Variants in EML4 observed in about 807,000 individuals in gnomAD.
The protein encoded by EML4 is EMAP like 4.
EML4 carries 72 observed loss-of-function variants against 129.0 expected under a neutral mutation model. That is an observed-to-expected ratio of 0.56 (90% CI 0.46 to 0.68). EML4 has a LOEUF of 0.68. Ranked by LOEUF, EML4 falls within the 30% of genes least tolerant of loss-of-function variation. The pLI, the probability that EML4 is intolerant of heterozygous loss-of-function variation, is 0.00. For missense variants in EML4, 1,363 were observed against 1,190.6 expected, an observed-to-expected ratio of 1.14 and a Z score of -2.13; for synonymous variants, 532 against 405.0, an observed-to-expected ratio of 1.31 and a Z score of -3.77.
intron 7 of EML4, 92 bp downstream of exon 7, chr2:42,281,065 A>G: frequency 1.4e-5 from 6 of 432,992 alleles, no homozygotes; most frequent in African/African-American, 1.3e-4. Context: ...GTCTTTATAC[A>G]AAAAAAAAAA....
intron 14 of EML4, among the ~76,000 whole-genome samples, chr2:42,301,759 TA>T (rs1327507231): frequency 6.6e-6 from 1 of 152,090 alleles, no homozygotes; most frequent in Non-Finnish European, 1.5e-5. Context: ...AAAATCCTCT[TA>T]AAAAGAGGAT....
chr2:42,218,864 G>C (rs1426478458), intron 1 of EML4, among the ~76,000 whole-genome samples: 1 of 152,128 alleles, frequency 6.6e-6, no homozygotes. Flanking sequence ...GGGTCTTGCT[G>C]TGTTGTCCAG....
At chr2:42,319,040 A>G (rs895781439) in intron 19 of EML4, among the ~76,000 whole-genome samples, 1 of 152,206 alleles carries the variant, frequency 6.6e-6, no homozygotes, top group African/African-American at 2.4e-5. Flanking sequence ...AAAAAAGTCC[A>G]TACCTTAATA....
chr2:42,318,455 A>G (rs750505365), intron 19 of EML4, among the ~76,000 whole-genome samples: 15 of 152,230 alleles, frequency 9.9e-5, no homozygotes, highest in Non-Finnish European at 2.2e-4. Context: ...TATACCATAT[A>G]TTAAAACCAG....
At chr2:42,273,626 AT>A (rs1424765433) in intron 6 of EML4, among the ~76,000 whole-genome samples, 2 of 152,112 alleles carry the variant, frequency 1.3e-5, no homozygotes, top group African/African-American at 4.8e-5. Context: ...AATTCAGGAA[AT>A]TTTATCAGCC....
intron 7 of EML4, 79 bp downstream of exon 7, chr2:42,281,052 A>G: frequency 8.5e-7 from 1 of 1,181,774 alleles, no homozygotes; most frequent in Non-Finnish European, 1.2e-6. Flanking sequence ...CTCTGTCAAA[A>G]TTGTCTTTAT....
chr2:42,238,822 C>T (rs749429071), intron 1 of EML4, among the ~76,000 whole-genome samples: 1 of 152,148 alleles, frequency 6.6e-6, no homozygotes, highest in South Asian at 2.1e-4. Flanking sequence ...CTTGCTCTGT[C>T]ACGCAGACTT....
intron 1 of EML4, among the ~76,000 whole-genome samples, chr2:42,179,777 T>A (rs1279472438): frequency 6.6e-6 from 1 of 152,116 alleles, no homozygotes; most frequent in Non-Finnish European, 1.5e-5. Context: ...TAGTTTTGTA[T>A]TTTTAGTAGA....
At chr2:42,244,259 C>T (rs996384703) in intron 1 of EML4, among the ~76,000 whole-genome samples, 19 of 151,768 alleles carry the variant, frequency 1.3e-4, no homozygotes, top group African/African-American at 3.6e-4. Context: ...CCACCAAGCC[C>T]GGCTAATTTT....
At chr2:42,233,408 C>G (rs777773082) in intron 1 of EML4, among the ~76,000 whole-genome samples, 11 of 151,738 alleles carry the variant, frequency 7.2e-5, no homozygotes, top group Non-Finnish European at 1.5e-4. Context: ...CAGGTTCACA[C>G]CATTCTCCTG....
chr2:42,173,548 G>A (rs1670399377), intron 1 of EML4, among the ~76,000 whole-genome samples: 2 of 152,072 alleles, frequency 1.3e-5, no homozygotes, highest in South Asian at 4.1e-4. Flanking sequence ...TTACTGCCTG[G>A]TTTTTAAATA....
chr2:42,183,406 C>G (rs1312988072), intron 1 of EML4, among the ~76,000 whole-genome samples: 1 of 152,062 alleles, frequency 6.6e-6, no homozygotes, highest in Non-Finnish European at 1.5e-5. Context: ...GCACATGATC[C>G]TTTTTTCTTA....
intron 1 of EML4, among the ~76,000 whole-genome samples, chr2:42,227,657 C>G (rs1674057622): frequency 6.6e-6 from 1 of 152,180 alleles, no homozygotes; most frequent in Non-Finnish European, 1.5e-5. Flanking sequence ...TCTGCTGCCT[C>G]TGCCACCCCT....
intron 1 of EML4, among the ~76,000 whole-genome samples, chr2:42,179,298 T>C (rs574585897): frequency 6.7e-6 from 1 of 150,016 alleles, no homozygotes; most frequent in Non-Finnish European, 1.5e-5. Flanking sequence ...AAAGACAAAG[T>C]CTGTGGAAAC....
intron 6 of EML4, among the ~76,000 whole-genome samples, chr2:42,279,359 G>A (rs777048186): frequency 3.3e-5 from 5 of 152,044 alleles, no homozygotes; most frequent in Non-Finnish European, 5.9e-5. Flanking sequence ...AACTTTTTGA[G>A]GAACCTTCAT....
At chr2:42,291,460 G>A (rs1276900086) in intron 11 of EML4, among the ~76,000 whole-genome samples, 2 of 148,144 alleles carry the variant, frequency 1.4e-5, no homozygotes, top group African/African-American at 5.0e-5. Flanking sequence ...GAGTGCAGTG[G>A]CATGATCTTG....
intron 6 of EML4, among the ~76,000 whole-genome samples, chr2:42,269,791 C>G (rs1666267704): frequency 6.6e-6 from 1 of 152,138 alleles, no homozygotes; most frequent in South Asian, 2.1e-4. Context: ...AGAGTACATA[C>G]AATTTTGTAT....
intron 1 of EML4, among the ~76,000 whole-genome samples, chr2:42,203,388 A>G (rs1672349408): frequency 6.6e-6 from 1 of 152,178 alleles, no homozygotes; most frequent in South Asian, 2.1e-4. Context: ...TCCATGTTGA[A>G]TACTCTATGA....
chr2:42,266,379 C>G (rs1476368137), intron 6 of EML4, among the ~76,000 whole-genome samples: 1 of 152,192 alleles, frequency 6.6e-6, no homozygotes, highest in East Asian at 1.9e-4. Context: ...GAGGGTCTTG[C>G]TCTGTTGCCC....
Sources: gnomAD v4.1 joint callset for allele counts (sites outside exome capture counted in the v4.1 genomes callset) on GRCh38, gnomAD v4.1.1 for gene constraint, MANE v1.5 for transcripts, NCBI Gene and HGNC (gene_info 2026-07-23, HGNC 2026-07-21) for gene names.